DEUP1: variants seen among roughly 807,000 people sequenced by gnomAD.
The protein encoded by DEUP1 is coiled-coil domain containing 67.
DEUP1 carries 82 observed loss-of-function variants against 87.4 expected under a neutral mutation model. That is an observed-to-expected ratio of 0.94 (90% CI 0.78 to 1.13). The LOEUF (loss-of-function observed/expected upper bound fraction) is 1.13. Among genes scored for constraint, DEUP1 ranks in the 50% most tolerant of loss-of-function variants. The probability of loss-of-function intolerance (pLI) is 0.00; values close to 1 mark genes in which losing one functional copy is unlikely to be tolerated. For synonymous variants in DEUP1, 214 were observed against 222.7 expected (o/e 0.96, Z 0.35); for missense variants, 663 against 681.5 (o/e 0.97, Z 0.30).
Position 93,364,353 on chromosome 11 carries a change from G to T in DEUP1, c.432+59G>T. ...TTAAAGATTGATTCCTATTGTTGTG[G>T]GCTATTTGTCTCTAGTGTCCACAAT... On this transcript the variant is annotated intron_variant, in intron 5 of 13. Coordinates refer to ENST00000298050, the MANE Select transcript of DEUP1 (RefSeq NM_181645.4). The T allele has an allele frequency of 4.7e-6, 7 of 1,490,642 alleles. No individual in the cohort carries two copies. In the South Asian group the frequency reaches 8.1e-5, roughly 17 times the overall value. The allele number at this position is 1,490,642 out of a possible 1,614,324, so 92.3% of individuals were successfully genotyped here.
At chr11:93,396,773 C>T (rs1043203886) in intron 11 of DEUP1, among the ~76,000 whole-genome samples, 23 of 152,134 alleles carry the variant, frequency 1.5e-4, no homozygotes, top group African/African-American at 5.6e-4. Flanking sequence ...AGAACCATGT[C>T]TTATTGGTGT....
intron 9 of DEUP1, among the ~76,000 whole-genome samples, chr11:93,391,929 G>T (rs554713660): frequency 6.6e-6 from 1 of 151,968 alleles, no homozygotes; most frequent in Non-Finnish European, 1.5e-5. Context: ...CTTAGTTTCC[G>T]CCTTGTTCTC....
At chr11:93,396,384 T>A in intron 11 of DEUP1, 59 bp downstream of exon 11, 1 of 1,036,342 alleles carries the variant, frequency 9.6e-7, no homozygotes, top group Non-Finnish European at 1.4e-6. Flanking sequence ...TGGTCACGAT[T>A]AACCTAGACA....
intron 12 of DEUP1, among the ~76,000 whole-genome samples, chr11:93,409,351 A>G (rs896685535): frequency 3.9e-5 from 6 of 152,224 alleles, no homozygotes; most frequent in Non-Finnish European, 8.8e-5. Flanking sequence ...CAAGCATAAA[A>G]ATAGGCTAAG....
intron 7 of DEUP1, among the ~76,000 whole-genome samples, chr11:93,377,618 G>A (rs947053996): frequency 2.6e-5 from 4 of 152,034 alleles, no homozygotes; most frequent in African/African-American, 4.8e-5. Flanking sequence ...TACATTCAAC[G>A]TTAGTATTTG....
At chr11:93,349,116 G>A (rs1468440553) in intron 2 of DEUP1, among the ~76,000 whole-genome samples, 4 of 152,058 alleles carry the variant, frequency 2.6e-5, no homozygotes, top group African/African-American at 9.7e-5. Context: ...TATTCTGCCT[G>A]CCTGCCTTGC....
At chr11:93,399,082 T>C (rs899977550) in intron 11 of DEUP1, among the ~76,000 whole-genome samples, 1 of 152,142 alleles carries the variant, frequency 6.6e-6, no homozygotes, top group African/African-American at 2.4e-5. Flanking sequence ...GTTTATGACT[T>C]TTTTTGGCCA....
intron 2 of DEUP1, among the ~76,000 whole-genome samples, chr11:93,343,335 ATCT>A (rs943100092): frequency 2.0e-4 from 30 of 152,340 alleles, no homozygotes; most frequent in African/African-American, 7.0e-4. Context: ...CATCAAATAG[ATCT>A]TCTAGCAAGA....
chr11:93,433,069 A>G (rs1183101414), intron 13 of DEUP1, among the ~76,000 whole-genome samples: 2 of 152,206 alleles, frequency 1.3e-5, no homozygotes, highest in South Asian at 2.1e-4. Flanking sequence ...TCTGAGTCCT[A>G]GATTGACATA....
intron 13 of DEUP1, among the ~76,000 whole-genome samples, chr11:93,416,536 A>G (rs1209503749): frequency 6.6e-6 from 1 of 151,918 alleles, no homozygotes; most frequent in Non-Finnish European, 1.5e-5. Context: ...GGCAATAATC[A>G]ATAGCTTACC....
intron 2 of DEUP1, among the ~76,000 whole-genome samples, chr11:93,336,950 C>T (rs1032510839): frequency 6.6e-6 from 1 of 152,206 alleles, no homozygotes; most frequent in African/African-American, 2.4e-5. Context: ...AATGTGTGTG[C>T]ATACATCTTC....
At chr11:93,336,301 G>A (rs1943762095) in intron 2 of DEUP1, among the ~76,000 whole-genome samples, 2 of 152,082 alleles carry the variant, frequency 1.3e-5, no homozygotes, top group Non-Finnish European at 2.9e-5. Context: ...AGAACAACAA[G>A]GGGGAAGTTC....
At position 93,376,828 on chromosome 11, in the gene DEUP1, G is replaced by A. The variant is rs183916012; in HGVS notation, c.789+5548G>A. Reference sequence around the variant, plus strand: ...TTTGATAGGCTGTGTTACTATTATCGTTCAGTTCAAAGAATTTTTTAATTT... The same window carrying A: ...TTTGATAGGCTGTGTTACTATTATCATTCAGTTCAAAGAATTTTTTAATTT... On this transcript the variant is annotated intron_variant, in intron 7 of 13. Coordinates refer to ENST00000298050, the MANE Select transcript of DEUP1 (RefSeq NM_181645.4). 2.7e-3 allele frequency among the ~76,000 whole-genome samples: 417 copies of A among 152,130 alleles called. 2 individuals carry two copies. Among genetic ancestry groups the A allele is most frequent in the African/African-American group, 5.4e-3 (224 of 41,516 alleles).
intron 7 of DEUP1, among the ~76,000 whole-genome samples, chr11:93,383,945 A>G (rs1340869525): frequency 6.6e-6 from 1 of 152,220 alleles, no homozygotes; most frequent in African/African-American, 2.4e-5. Flanking sequence ...CAAGTCTGGC[A>G]TTCAATTTCC....
intron 2 of DEUP1, among the ~76,000 whole-genome samples, chr11:93,345,071 C>T (rs1378033923): frequency 6.6e-6 from 1 of 152,124 alleles, no homozygotes; most frequent in African/African-American, 2.4e-5. Flanking sequence ...CATGTGTTCT[C>T]ATCATTCAGC....
At chr11:93,408,698 G>T (rs911373179) in intron 12 of DEUP1, among the ~76,000 whole-genome samples, 2 of 152,158 alleles carry the variant, frequency 1.3e-5, no homozygotes, top group African/African-American at 4.8e-5. Context: ...AAAACATACA[G>T]ATAAGTAATT....
intron 2 of DEUP1, chr11:93,352,588 T>C: frequency 1.7e-6 from 1 of 593,708 alleles, no homozygotes; most frequent in Non-Finnish European, 3.0e-6. Flanking sequence ...TGCCTTAGTT[T>C]GTTTTCATGC....
intron 2 of DEUP1, among the ~76,000 whole-genome samples, chr11:93,339,676 A>G (rs1295646683): frequency 6.6e-6 from 1 of 152,180 alleles, no homozygotes; most frequent in East Asian, 1.9e-4. Flanking sequence ...TAGCAAAGGA[A>G]CGCAAGACAC....
intron 9 of DEUP1, among the ~76,000 whole-genome samples, chr11:93,393,644 C>G (rs1946840583): frequency 6.6e-6 from 1 of 152,154 alleles, no homozygotes. Context: ...GTCTATTTTT[C>G]TGTTTCCCCA....
Sources: allele counts gnomAD v4.1 joint callset (sites outside exome capture counted in the v4.1 genomes callset), GRCh38; gene constraint gnomAD v4.1.1; transcripts MANE v1.5; gene names NCBI Gene and HGNC (gene_info 2026-07-23, HGNC 2026-07-21).